Variants in TP53BP1 observed in about 807,000 individuals in gnomAD.
TP53BP1 encodes TP53-binding protein 1.
Under a neutral mutation model 200.8 loss-of-function variants are expected in TP53BP1, and 61 were observed. The ratio of observed to expected loss-of-function variants is 0.30; its 90% confidence interval spans 0.25 to 0.38. TP53BP1 has a LOEUF of 0.38. TP53BP1 is among the 10% of genes least tolerant of loss of function. The probability of loss-of-function intolerance (pLI) is 1.00; values close to 1 mark genes in which losing one functional copy is unlikely to be tolerated. For missense variants in TP53BP1, 2,144 were observed against 2,371.9 expected, an observed-to-expected ratio of 0.90 and a Z score of 2.00; for synonymous variants, 822 against 844.3, an observed-to-expected ratio of 0.97 and a Z score of 0.46.
At position 43,404,074 on chromosome 15, in the gene TP53BP1, C is replaced by G. The variant is rs1051594526; in HGVS notation, c.*3309G>C. The G allele has an allele frequency of 2.3e-5, 12 of 524,330 alleles. No homozygotes were observed. The highest frequency in any genetic ancestry group is 1.9e-4 in the South Asian group (7 of 36,966). 32.5% of individuals were successfully genotyped at this position (524,330 alleles called of 1,614,324 possible). A position where few individuals can be genotyped will look rare whatever the true frequency, so the allele number is the denominator to read the frequency against. ...TTCTAACTTCCTCACATCCTCCCCC[C>G]TCCTTACTTCCTTGAACTAACCCCC... On this transcript the variant is annotated 3_prime_UTR_variant, in exon 28 of 28. Coordinates refer to ENST00000382044, the MANE Select transcript of TP53BP1 (RefSeq NM_001141980.3).
Position 43,404,503 on chromosome 15 carries a change from C to A in TP53BP1, c.*2880G>T, listed in dbSNP as rs201999864. On this transcript the variant is annotated 3_prime_UTR_variant, in exon 28 of 28. Coordinates refer to ENST00000382044, the MANE Select transcript of TP53BP1 (RefSeq NM_001141980.3). Reference sequence around the variant, plus strand: ...CTCAGATTTGGCTCAACTACTGTTACGACTAGATTATAACAAATACTATAC... The same window carrying A: ...CTCAGATTTGGCTCAACTACTGTTAAGACTAGATTATAACAAATACTATAC... 14 of 1,613,990 alleles carry A rather than the reference C, an allele frequency of 8.7e-6. No homozygotes were observed. The East Asian group carries it at 8.9e-5, about 10-fold the overall frequency.
chr15:43,478,169 C>T (rs999367031), intron 7 of TP53BP1, among the ~76,000 whole-genome samples: 15 of 152,208 alleles, frequency 9.9e-5, no homozygotes, highest in Admixed American at 7.2e-4. Context: ...GTCAATTATC[C>T]TCCTTACTAG....
At chr15:43,418,179 TTAAAAAA>T (rs1232055165) in intron 21 of TP53BP1, among the ~76,000 whole-genome samples, 1 of 127,588 alleles carries the variant, frequency 7.8e-6, no homozygotes, top group African/African-American at 3.1e-5. Context: ...GGCTCTGTTT[TTAAAAAA>T]AAAAAAAAAA....
At chr15:43,429,460 C>A (rs2045622914) in intron 17 of TP53BP1, among the ~76,000 whole-genome samples, 1 of 152,172 alleles carries the variant, frequency 6.6e-6, no homozygotes, top group Non-Finnish European at 1.5e-5. Context: ...CTATGGTAGG[C>A]TGATTTTACT....
chr15:43,481,834 GAGAC>G (rs1172250430), intron 4 of TP53BP1, among the ~76,000 whole-genome samples: 16 of 146,420 alleles, frequency 1.1e-4, no homozygotes, highest in African/African-American at 3.1e-4. Flanking sequence ...AAAAAAGAGA[GAGAC>G]AGAGTCTGTC....
Position 43,415,655 on chromosome 15 carries a change from G to T in TP53BP1, c.5028C>A (p.Ile1676=). ...CAGGGGACCGTTCCTCTTCAGAAGT[G>T]ATAAGTTTTCTTTTGCCTGAGAGAA... is the stretch of plus-strand genomic sequence containing the variant. The part of the protein sequence containing the change: ...MGVLSGKRKL[I]TSEEERSPAK... Residue 1676 remains isoleucine (I), a synonymous_variant, in exon 23 of 28, where the codon ATC becomes ATA. Transcript: ENST00000382044. The T allele has an allele frequency of 2.5e-6, 4 of 1,614,218 alleles. No homozygotes were observed. Among genetic ancestry groups the T allele is most frequent in the Non-Finnish European group, 3.4e-6 (4 of 1,180,030 alleles).
chr15:43,507,927 C>T (rs1312620423), intron 1 of TP53BP1, among the ~76,000 whole-genome samples: 3 of 152,106 alleles, frequency 2.0e-5, no homozygotes, highest in Non-Finnish European at 4.4e-5. Context: ...GTACCCCAGG[C>T]TGGTCTTGAA....
At chr15:43,432,057 T>C (rs1400001128) in intron 17 of TP53BP1, 137 bp downstream of exon 17, 1 of 1,213,524 alleles carries the variant, frequency 8.2e-7, no homozygotes, top group African/African-American at 1.5e-5. Context: ...TTAGAAAAGT[T>C]GTTTTTGTCT....
rs1247665516 is a variant in TP53BP1, at chr15:43,404,373, G to A, written c.*3010C>T. 16 of 1,611,738 alleles carry A rather than the reference G, an allele frequency of 9.9e-6. No individual in the cohort carries two copies. Among genetic ancestry groups the A allele is most frequent in the African/African-American group, 1.3e-5 (1 of 74,884 alleles). On this transcript the variant is annotated 3_prime_UTR_variant, in exon 28 of 28. Transcript: ENST00000382044. ...CCCATCCTCCATATGGAGAGTTGGT[G>A]AGCTGAAGTGGAATGACAGCTGAGT...
intron 10 of TP53BP1, among the ~76,000 whole-genome samples, chr15:43,471,865 AT>A (rs1197667666): frequency 6.6e-6 from 1 of 152,208 alleles, no homozygotes; most frequent in Non-Finnish European, 1.5e-5. Flanking sequence ...AATTCACCTA[AT>A]CATGTTATAC....
At chr15:43,509,868 C>CAA (rs993720223) in intron 1 of TP53BP1, among the ~76,000 whole-genome samples, 1 of 151,580 alleles carries the variant, frequency 6.6e-6, no homozygotes, top group Non-Finnish European at 1.5e-5. Flanking sequence ...CAAAACAAAA[C>CAA]AAAAAAACAA....
chr15:43,407,237 C>T lies in TP53BP1; in HGVS notation c.*146G>A. 2 of 689,148 alleles carry T rather than the reference C, an allele frequency of 2.9e-6. No homozygotes were observed. Among genetic ancestry groups the T allele is most frequent in the Non-Finnish European group, 4.8e-6 (2 of 417,796 alleles). The allele number at this position is 689,148 out of a possible 1,614,324, so 42.7% of individuals were successfully genotyped here. A position where few individuals can be genotyped will look rare whatever the true frequency, so the allele number is the denominator to read the frequency against. ...AGTTACTACAACCAAAGAGATTCAACATTTATTTTATCATAAAAGTTCAGC... is the reference window on the plus strand; with the variant it reads ...AGTTACTACAACCAAAGAGATTCAATATTTATTTTATCATAAAAGTTCAGC... On this transcript the variant is annotated 3_prime_UTR_variant, in exon 28 of 28. Transcript: ENST00000382044.
chr15:43,453,608 C>G (rs1454064831), intron 12 of TP53BP1, among the ~76,000 whole-genome samples: 6 of 150,194 alleles, frequency 4.0e-5, no homozygotes, highest in Admixed American at 2.6e-4. Flanking sequence ...GGCGGAGTCT[C>G]ATTCTGTCAC....
At chr15:43,475,448 T>C in intron 9 of TP53BP1, 117 bp downstream of exon 9, 8 of 1,212,266 alleles carry the variant, frequency 6.6e-6, no homozygotes, top group East Asian at 2.3e-5. Flanking sequence ...GCATAGGTTC[T>C]ACCATTTGGT....
In TP53BP1 at chr15:43,406,674, G is replaced by A. The variant is rs1595510843; in HGVS notation, c.*709C>T. 1 of 449,338 alleles carries A rather than the reference G, an allele frequency of 2.2e-6. No homozygotes were observed. Among genetic ancestry groups the A allele is most frequent in the Non-Finnish European group, 4.4e-6 (1 of 224,952 alleles). The allele number at this position is 449,338 out of a possible 1,614,324, so 27.8% of individuals were successfully genotyped here. A position where few individuals can be genotyped will look rare whatever the true frequency, so the allele number is the denominator to read the frequency against. ...GATCAGTGATGCCAGAGGAAGGGAA[G>A]GAACTGCTTCCAGCTATTGTGACAA... is the stretch of plus-strand genomic sequence containing the variant. On this transcript the variant is annotated 3_prime_UTR_variant, in exon 28 of 28. Transcript: ENST00000382044.
At position 43,407,006 on chromosome 15, in the gene TP53BP1, C is replaced by A. The variant is rs1006780266; in HGVS notation, c.*377G>T. On this transcript the variant is annotated 3_prime_UTR_variant, in exon 28 of 28. Coordinates refer to ENST00000382044, the MANE Select transcript of TP53BP1 (RefSeq NM_001141980.3). ...AATCTGGGCCTTCACCTACCTTAAA[C>A]TGAGTTTCTGCAAGCATAGCATTTT... The A allele has an allele frequency of 1.3e-5, 3 of 236,442 alleles. No individual in the cohort carries two copies. The highest frequency in any genetic ancestry group is 6.9e-5 in the African/African-American group (3 of 43,780). 14.6% of individuals were successfully genotyped at this position (236,442 alleles called of 1,614,324 possible). A position where few individuals can be genotyped will look rare whatever the true frequency, so the allele number is the denominator to read the frequency against.
upstream of TP53BP1, chr15:43,497,358 C>A (rs893592853): frequency 2.1e-6 from 2 of 953,266 alleles, no homozygotes; most frequent in Non-Finnish European, 1.2e-6. Context: ...CCAGCCTGGG[C>A]TACAGAGTGA....
intron 8 of TP53BP1, among the ~76,000 whole-genome samples, chr15:43,476,036 G>A (rs1363274803): frequency 2.0e-5 from 3 of 152,114 alleles, no homozygotes; most frequent in East Asian, 1.9e-4. Context: ...AGGCTGAGGC[G>A]GGTGGATCAT....
At chr15:43,434,635 GA>G (rs1451602632) in intron 16 of TP53BP1, among the ~76,000 whole-genome samples, 10 of 152,314 alleles carry the variant, frequency 6.6e-5, no homozygotes, top group African/African-American at 2.4e-4. Flanking sequence ...ACTGCCATGT[GA>G]GAACAGCTGT....
Sources: allele counts gnomAD v4.1 joint callset (sites outside exome capture counted in the v4.1 genomes callset), GRCh38; gene constraint gnomAD v4.1.1; transcripts MANE v1.5; gene names NCBI Gene and HGNC (gene_info 2026-07-23, HGNC 2026-07-21).